The following ASIC2 variants were observed in gnomAD, a reference collection of about 807,000 sequenced individuals.
ASIC2 encodes the protein acid-sensing ion channel 2.
In ASIC2, 25 loss-of-function variants were observed where a neutral mutation model predicts 57.3. The ratio of observed to expected loss-of-function variants is 0.44; its 90% CI spans 0.32 to 0.61. The LOEUF (loss-of-function observed/expected upper bound fraction) is 0.61. Among genes scored for constraint, ASIC2 ranks in the 20% least tolerant of loss-of-function variants. ASIC2 has a pLI of 0.06. For synonymous variants in ASIC2, 319 were observed against 307.5 expected, an observed-to-expected ratio of 1.04 and a Z score of -0.39; for missense variants, 641 against 738.1, an observed-to-expected ratio of 0.87 and a Z score of 1.52.
chr17:34,145,290 A>G (rs1266458886), intron 1 of ASIC2, among the ~76,000 whole-genome samples: 1 of 152,200 alleles, frequency 6.6e-6, no homozygotes, highest in Non-Finnish European at 1.5e-5. Flanking sequence ...GTATTGGGAA[A>G]TGGGGTGATT....
chr17:33,458,253 G>A (rs370304114), intron 1 of ASIC2, among the ~76,000 whole-genome samples: 13 of 152,224 alleles, frequency 8.5e-5, no homozygotes, highest in Non-Finnish European at 1.5e-5. Flanking sequence ...GTCTTGCCAA[G>A]AGCTTTAGAG....
intron 1 of ASIC2, among the ~76,000 whole-genome samples, chr17:33,301,465 C>T (rs1264515392): frequency 6.6e-6 from 1 of 152,112 alleles, no homozygotes; most frequent in African/African-American, 2.4e-5. Context: ...GGGATTCAAA[C>T]TCAAGTAGTT....
At chr17:33,933,201 A>G (rs1355787380) in intron 1 of ASIC2, among the ~76,000 whole-genome samples, 1 of 152,182 alleles carries the variant, frequency 6.6e-6, no homozygotes, top group East Asian at 1.9e-4. Context: ...GGACAGTTGC[A>G]TGCTTAGAAA....
chr17:33,166,204 T>C (rs1162064276), intron 1 of ASIC2, among the ~76,000 whole-genome samples: 1 of 152,184 alleles, frequency 6.6e-6, no homozygotes, highest in Non-Finnish European at 1.5e-5. Context: ...ATCTGGGGAA[T>C]GGAGATGAGA....
chr17:33,410,850 C>A (rs557875337), intron 1 of ASIC2, among the ~76,000 whole-genome samples: 1 of 152,272 alleles, frequency 6.6e-6, no homozygotes, highest in South Asian at 2.1e-4. Flanking sequence ...GTAAACTCTG[C>A]AAGAGCAGAT....
intron 1 of ASIC2, among the ~76,000 whole-genome samples, chr17:34,087,319 G>T (rs1910147335): frequency 6.6e-6 from 1 of 151,910 alleles, no homozygotes; most frequent in Non-Finnish European, 1.5e-5. Flanking sequence ...GGCTGGACAT[G>T]AAATTCTGGG....
At chr17:33,639,730 A>G (rs1490654282) in intron 1 of ASIC2, among the ~76,000 whole-genome samples, 1 of 148,736 alleles carries the variant, frequency 6.7e-6, no homozygotes, top group African/African-American at 2.5e-5. Context: ...CCTTTGCCCC[A>G]TACTAAGGGT....
At chr17:33,203,727 C>G (rs1184777609) in intron 1 of ASIC2, among the ~76,000 whole-genome samples, 1 of 152,156 alleles carries the variant, frequency 6.6e-6, no homozygotes, top group African/African-American at 2.4e-5. Flanking sequence ...TACAGGCTCA[C>G]TCCTCAGGTC....
intron 1 of ASIC2, among the ~76,000 whole-genome samples, chr17:33,867,768 C>T (rs377330): frequency 0.68 from 103,954 of 152,082 alleles, 36,591 homozygotes; most frequent in Admixed American, 0.8. Flanking sequence ...AGGTAGAAGA[C>T]ACAGGGGTTC....
Position 33,867,384 on chromosome 17 carries a change from T to C in ASIC2, c.555+288594A>G, listed in dbSNP as rs545922866. Among the ~76,000 whole-genome samples, 7 of 152,312 alleles carry C rather than the reference T, an allele frequency of 4.6e-5. No homozygotes were observed. In the South Asian group the frequency reaches 1.5e-3, roughly 32 times the overall value. ...AATTTTCACAATAACTAGATATATT[T>C]ATTATTCTTCCCTGTTTCTCAGATG... On this transcript the variant is annotated intron_variant, in intron 1 of 9. Coordinates refer to the ASIC2 transcript ENST00000359872.
At chr17:33,950,127 G>A (rs1904511175) in intron 1 of ASIC2, among the ~76,000 whole-genome samples, 1 of 152,150 alleles carries the variant, frequency 6.6e-6, no homozygotes, top group African/African-American at 2.4e-5. Flanking sequence ...TACCTCAGAG[G>A]GTGTGTTAAG....
At chr17:33,097,124 G>A (rs920244965) in intron 2 of ASIC2, among the ~76,000 whole-genome samples, 15 of 152,192 alleles carry the variant, frequency 9.9e-5, no homozygotes, top group Non-Finnish European at 2.9e-5. Flanking sequence ...ATGTGGCCTC[G>A]CTCAAATACT....
rs746474013 is a variant in ASIC2 at position 33,112,046 on chromosome 17, A to C, written c.730T>G (p.Cys244Gly). Residue 244 changes from cysteine (C) to glycine (G), a missense_variant, in exon 2 of 10, where the codon TGT becomes GGT. Cys to Gly is a radical substitution (Grantham distance 159). This residue lies in a region of ASIC2 where 382 missense variants were observed against 398.0 expected (regional missense o/e 0.96). Transcript: ENST00000225823. Reference sequence around the variant, plus strand: ...TCCTCGCCTGAGTTAAACATGTAACACTTCCCATATTTTGTAAACACCTGA... The same window carrying C: ...TCCTCGCCTGAGTTAAACATGTAACCCTTCCCATATTTTGTAAACACCTGA... ...FSSVFTKYGKCYMFNSGEDGK... is the reference protein window; with the variant it reads ...FSSVFTKYGKGYMFNSGEDGK... 6.2e-7 allele frequency: 1 copy of C among 1,613,746 alleles called. No homozygotes were observed. Among genetic ancestry groups the C allele is most frequent in the Non-Finnish European group, 8.5e-7 (1 of 1,179,878 alleles).
At chr17:33,160,200 C>T (rs1017121435) in intron 1 of ASIC2, among the ~76,000 whole-genome samples, 20 of 121,742 alleles carry the variant, frequency 1.6e-4, no homozygotes, top group African/African-American at 5.4e-4. Context: ...CAGAGAGAGA[C>T]CCTGTTAAAA....
intron 1 of ASIC2, among the ~76,000 whole-genome samples, chr17:33,573,253 A>G (rs1046349011): frequency 3.3e-5 from 5 of 152,224 alleles, no homozygotes; most frequent in Non-Finnish European, 7.3e-5. Context: ...GGGCCACTAG[A>G]CCATTTAGAA....
intron 1 of ASIC2, among the ~76,000 whole-genome samples, chr17:34,062,132 A>T (rs958788061): frequency 3.3e-5 from 5 of 152,190 alleles, no homozygotes; most frequent in African/African-American, 1.2e-4. Context: ...ACATAAAACG[A>T]GCCTCAATAA....
At position 33,788,381 on chromosome 17, in the gene ASIC2, A is replaced by T. The variant is rs543232145; in HGVS notation, c.555+367597T>A. Among the ~76,000 whole-genome samples, 23 of 152,290 alleles carry T rather than the reference A, an allele frequency of 1.5e-4. No homozygotes were observed. The South Asian group carries it at 4.1e-3, about 27-fold the overall frequency. On this transcript the variant is annotated intron_variant, in intron 1 of 9. Coordinates refer to the ASIC2 transcript ENST00000359872. The stretch of plus-strand genomic sequence containing the variant: ...ACCATCTCATGCCGACAGAATGGTG[A>T]TTATTAAAAAGTCAGGAAAAAATAG...
intron 1 of ASIC2, among the ~76,000 whole-genome samples, chr17:34,086,965 C>A (rs1910134034): frequency 1.3e-5 from 2 of 152,158 alleles, no homozygotes. Context: ...CTGAATACAG[C>A]ACACTGATGG....
At chr17:33,846,697 C>G (rs1221132348) in intron 1 of ASIC2, among the ~76,000 whole-genome samples, 1 of 152,080 alleles carries the variant, frequency 6.6e-6, no homozygotes, top group Non-Finnish European at 1.5e-5. Flanking sequence ...CAGCTTATAC[C>G]TGTGAGCAGC....
Sources: allele counts gnomAD v4.1 joint callset (sites outside exome capture counted in the v4.1 genomes callset), GRCh38; gene constraint gnomAD v4.1.1; regional missense constraint gnomAD v4.1.1; transcripts MANE v1.5; gene names NCBI Gene and HGNC (gene_info 2026-07-23, HGNC 2026-07-21).